The following RABGAP1L variants were observed in gnomAD, a reference collection of about 807,000 sequenced individuals.
RABGAP1L encodes rab GTPase-activating protein 1-like.
A neutral mutation model predicts 137.7 loss-of-function variants in RABGAP1L; 63 were observed. That is an observed-to-expected ratio of 0.46 (90% CI 0.37 to 0.56). The LOEUF is 0.56. RABGAP1L is among the 20% of genes least tolerant of loss of function. The pLI is 0.00. For missense variants in RABGAP1L, 1,095 were observed against 1,244.0 expected, an observed-to-expected ratio of 0.88 and a Z score of 1.80; for synonymous variants, 431 against 433.7, an observed-to-expected ratio of 0.99 and a Z score of 0.08.
chr1:174,542,805 A>G (rs917334087), intron 13 of RABGAP1L, among the ~76,000 whole-genome samples: 10 of 152,048 alleles, frequency 6.6e-5, no homozygotes, highest in Admixed American at 4.6e-4. Context: ...CTTTGTTCTC[A>G]TTGGTTTCAA....
intron 17 of RABGAP1L, among the ~76,000 whole-genome samples, chr1:174,731,515 G>A (rs1682471967): frequency 6.6e-6 from 1 of 151,984 alleles, no homozygotes; most frequent in Non-Finnish European, 1.5e-5. Flanking sequence ...TACTTTTGAG[G>A]TATTTTTTTT....
At chr1:174,765,352 G>T (rs998548469) in intron 18 of RABGAP1L, among the ~76,000 whole-genome samples, 1 of 152,142 alleles carries the variant, frequency 6.6e-6, no homozygotes, top group Non-Finnish European at 1.5e-5. Flanking sequence ...TTGGCCGTTT[G>T]TATATCTTTT....
At chr1:174,554,471 C>T (rs1233537927) in intron 13 of RABGAP1L, among the ~76,000 whole-genome samples, 2 of 152,014 alleles carry the variant, frequency 1.3e-5, no homozygotes, top group Admixed American at 1.3e-4. Flanking sequence ...GTCTGTGTCC[C>T]CTTGGCATTT....
At chr1:174,247,073 C>A (rs558914033) in intron 5 of RABGAP1L, among the ~76,000 whole-genome samples, 1 of 152,082 alleles carries the variant, frequency 6.6e-6, no homozygotes, top group Admixed American at 6.6e-5. Context: ...CAGCTCCATA[C>A]GCTTAACCTT....
intron 11 of RABGAP1L, among the ~76,000 whole-genome samples, chr1:174,364,945 G>C (rs368877671): frequency 1.3e-5 from 2 of 152,262 alleles, no homozygotes; most frequent in East Asian, 1.9e-4. Flanking sequence ...GCCTGGAATT[G>C]AGGCCTCACG....
At chr1:174,780,068 C>CAATAAATAAATAAATAAATA (rs367683847) in intron 18 of RABGAP1L, among the ~76,000 whole-genome samples, 1 of 92,250 alleles carries the variant, frequency 1.1e-5, no homozygotes, top group Admixed American at 1.2e-4. Flanking sequence ...CTCCATCTTA[C>CAATAAATAAATAAATAAATA]AATAAATAAA....
intron 18 of RABGAP1L, among the ~76,000 whole-genome samples, chr1:174,779,143 T>C (rs946497947): frequency 6.6e-6 from 1 of 152,154 alleles, no homozygotes; most frequent in African/African-American, 2.4e-5. Context: ...CTTTTCACTC[T>C]CCCATCAAAA....
At chr1:174,614,242 G>A (rs1032387007) in intron 13 of RABGAP1L, among the ~76,000 whole-genome samples, 6 of 152,120 alleles carry the variant, frequency 3.9e-5, no homozygotes, top group African/African-American at 4.8e-5. Flanking sequence ...AGCTCTTTTA[G>A]GGCAGGCCTG....
At chr1:174,690,829 C>CTTTTTTTT (rs572724291) in intron 15 of RABGAP1L, among the ~76,000 whole-genome samples, 4 of 116,934 alleles carry the variant, frequency 3.4e-5, no homozygotes, top group Non-Finnish European at 7.0e-5. Flanking sequence ...CAGCATTCAT[C>CTTTTTTTT]TTTTTTTTTT....
At chr1:174,762,308 A>G (rs1162061427) in intron 18 of RABGAP1L, among the ~76,000 whole-genome samples, 1 of 152,156 alleles carries the variant, frequency 6.6e-6, no homozygotes, top group Admixed American at 6.6e-5. Context: ...CACTGTCTCA[A>G]TCAAGCCATA....
chr1:174,160,770 C>T (rs1405252757), intron 1 of RABGAP1L, among the ~76,000 whole-genome samples: 6 of 152,146 alleles, frequency 3.9e-5, no homozygotes, highest in African/African-American at 1.4e-4. Flanking sequence ...TCATGAAAAC[C>T]TTCTGACTTT....
At chr1:174,962,534 C>T (rs1669250335) in intron 20 of RABGAP1L, among the ~76,000 whole-genome samples, 1 of 151,992 alleles carries the variant, frequency 6.6e-6, no homozygotes, top group South Asian at 2.1e-4. Context: ...AGCAATTGCT[C>T]CTACATGTAA....
At chr1:174,569,679 G>A (rs1408896723) in intron 13 of RABGAP1L, among the ~76,000 whole-genome samples, 1 of 152,160 alleles carries the variant, frequency 6.6e-6, no homozygotes, top group African/African-American at 2.4e-5. Context: ...CTCTTGTATT[G>A]TATAGCTCAG....
chr1:174,657,402 C>G (rs984484046), intron 14 of RABGAP1L, among the ~76,000 whole-genome samples: 6 of 152,176 alleles, frequency 3.9e-5, no homozygotes, highest in African/African-American at 1.4e-4. Context: ...ACCCCCTTCT[C>G]TCTACCCTTC....
chr1:174,170,545 T>C (rs1373466113), intron 1 of RABGAP1L, among the ~76,000 whole-genome samples: 1 of 151,780 alleles, frequency 6.6e-6, no homozygotes, highest in Non-Finnish European at 1.5e-5. Flanking sequence ...CGTGGTGGCA[T>C]GTGCCTGTAA....
At chr1:174,965,088 C>A in intron 20 of RABGAP1L, 1 of 775,824 alleles carries the variant, frequency 1.3e-6, no homozygotes, top group Non-Finnish European at 2.0e-6. Flanking sequence ...ACTTTCCCAG[C>A]TGTACATCTC....
At chr1:174,612,799 C>A (rs1430558652) in intron 13 of RABGAP1L, among the ~76,000 whole-genome samples, 1 of 152,198 alleles carries the variant, frequency 6.6e-6, no homozygotes, top group East Asian at 1.9e-4. Context: ...GTGTACGTGT[C>A]AAGGAATGTA....
rs1055654036 is a variant in RABGAP1L at position 174,910,138 on chromosome 1, C to CA, written c.2341-47310dup. ...TGGGTGACAGAGTGAGAGTCTGTCTCAAAAAAAAACACAAACAAACAAGTA... is the reference window on the plus strand; with the variant it reads ...TGGGTGACAGAGTGAGAGTCTGTCTCAAAAAAAAAACACAAACAAACAAGTA... On this transcript the variant is annotated intron_variant, in intron 19 of 25. Coordinates refer to ENST00000681986, the MANE Select transcript of RABGAP1L (RefSeq NM_001366446.1). Among the ~76,000 whole-genome samples the CA allele has an allele frequency of 1.7e-3, 257 of 147,940 alleles. 1 individual carries two copies. The highest frequency in any genetic ancestry group is 4.8e-3 in the African/African-American group (193 of 40,166).
chr1:174,726,450 T>TC (rs1032747774), intron 17 of RABGAP1L, among the ~76,000 whole-genome samples: 3 of 152,186 alleles, frequency 2.0e-5, no homozygotes, highest in African/African-American at 7.2e-5. Flanking sequence ...TCTTTTTTTT[T>TC]TATTTTTCAC....
Sources: gnomAD v4.1 joint callset for allele counts (sites outside exome capture counted in the v4.1 genomes callset) on GRCh38, gnomAD v4.1.1 for gene constraint, MANE v1.5 for transcripts, NCBI Gene and HGNC (gene_info 2026-07-23, HGNC 2026-07-21) for gene names.